FSTL5: variants seen among roughly 807,000 people sequenced by gnomAD.
The protein encoded by FSTL5 is follistatin like 5.
A neutral mutation model predicts 89.1 loss-of-function variants in FSTL5; 62 were observed. That is an observed-to-expected ratio of 0.70 (90% CI 0.57 to 0.86). The LOEUF (loss-of-function observed/expected upper bound fraction) is 0.86, where lower values mean the gene tolerates loss of function less well. FSTL5 is among the 40% of genes least tolerant of loss of function. FSTL5 has a pLI of 0.00. For missense variants in FSTL5, 1,057 were observed against 1,001.6 expected (o/e 1.06, Z -0.75); for synonymous variants, 383 against 346.2 (o/e 1.11, Z -1.18).
intron 7 of FSTL5, among the ~76,000 whole-genome samples, chr4:161,638,616 GA>G (rs1223428048): frequency 1.4e-5 from 2 of 145,550 alleles, no homozygotes; most frequent in Admixed American, 1.4e-4. Flanking sequence ...CCAATCAATA[GA>G]AAAAGAGGGA....
chr4:161,601,327 T>A (rs62328841), intron 7 of FSTL5, among the ~76,000 whole-genome samples: 3 of 48,742 alleles, frequency 6.2e-5, no homozygotes, highest in East Asian at 5.9e-4. Context: ...CTTAAATAGT[T>A]GGAAAAAAAA....
intron 4 of FSTL5, among the ~76,000 whole-genome samples, chr4:161,840,150 G>A (rs890773584): frequency 2.6e-5 from 4 of 152,196 alleles, no homozygotes; most frequent in East Asian, 1.9e-4. Flanking sequence ...AGTGAAGAGC[G>A]TCACCGTGTT....
intron 12 of FSTL5, among the ~76,000 whole-genome samples, chr4:161,497,883 G>A (rs1049548007): frequency 2.0e-5 from 3 of 151,408 alleles, no homozygotes; most frequent in African/African-American, 7.3e-5. Context: ...ATTCATATTT[G>A]GTTTCTATTT....
intron 4 of FSTL5, among the ~76,000 whole-genome samples, chr4:161,832,147 A>G (rs916329352): frequency 2.0e-5 from 3 of 152,110 alleles, no homozygotes; most frequent in Non-Finnish European, 4.4e-5. Flanking sequence ...GTATATTTAT[A>G]AGACTTAAGG....
intron 15 of FSTL5, among the ~76,000 whole-genome samples, chr4:161,400,268 C>A (rs2314105): frequency 0.063 from 9,541 of 151,962 alleles, 326 homozygotes; most frequent in Admixed American, 0.1. Context: ...ATATAAATTA[C>A]TTTTGTACTG....
intron 3 of FSTL5, among the ~76,000 whole-genome samples, chr4:162,014,982 C>T (rs1017454103): frequency 2.0e-5 from 3 of 152,106 alleles, no homozygotes; most frequent in African/African-American, 4.8e-5. Flanking sequence ...GAGATAGTGG[C>T]TTGAAGAACC....
chr4:162,141,106 C>CTTTT lies in FSTL5; in HGVS notation c.-17+22505_-17+22508dup, dbSNP rs3032092. On this transcript the variant is annotated intron_variant, in intron 1 of 15. Coordinates refer to ENST00000306100, the MANE Select transcript of FSTL5 (RefSeq NM_020116.5). ...AGTGTGGCACCTCCCTCCCTTCTCT[C>CTTTT]TTTTTTTTTTTTTTTTTTTTTTTTT... 6.8e-3 allele frequency among the ~76,000 whole-genome samples: 301 copies of CTTTT among 44,006 alleles called. 29 individuals are homozygous for CTTTT. The highest frequency in any genetic ancestry group is 0.021 in the African/African-American group (238 of 11,258). The allele number at this position is 44,006 out of a possible 152,430, so 28.9% of individuals were successfully genotyped here.
chr4:161,650,432 A>T (rs1489969062), intron 7 of FSTL5, among the ~76,000 whole-genome samples: 1 of 152,206 alleles, frequency 6.6e-6, no homozygotes, highest in Admixed American at 6.5e-5. Flanking sequence ...AAATATTTAT[A>T]GTATATCTGA....
chr4:161,712,557 T>C (rs1467282533), intron 6 of FSTL5, among the ~76,000 whole-genome samples: 1 of 152,186 alleles, frequency 6.6e-6, no homozygotes, highest in African/African-American at 2.4e-5. Flanking sequence ...TATATTGATA[T>C]TTAAACACTT....
chr4:161,852,219 G>A (rs529089723), intron 4 of FSTL5, among the ~76,000 whole-genome samples: 1 of 151,974 alleles, frequency 6.6e-6, no homozygotes, highest in African/African-American at 2.4e-5. Context: ...ATACATTTAA[G>A]TTCTGAAGGA....
At chr4:161,810,626 A>G (rs192174152) in intron 4 of FSTL5, among the ~76,000 whole-genome samples, 1 of 152,214 alleles carries the variant, frequency 6.6e-6, no homozygotes, top group East Asian at 1.9e-4. Flanking sequence ...CTTTAACTCA[A>G]CTCTGCTACC....
At chr4:161,753,430 C>A (rs547322654) in intron 6 of FSTL5, among the ~76,000 whole-genome samples, 1 of 152,236 alleles carries the variant, frequency 6.6e-6, no homozygotes, top group East Asian at 1.9e-4. Flanking sequence ...CAAGTTAATT[C>A]TGTTCATAAG....
At chr4:161,555,159 C>A (rs980386997) in intron 8 of FSTL5, among the ~76,000 whole-genome samples, 2 of 151,444 alleles carry the variant, frequency 1.3e-5, no homozygotes, top group African/African-American at 4.8e-5. Context: ...TTAATTGGGT[C>A]TTCCTATTTA....
chr4:161,583,947 C>T (rs1473147375), intron 8 of FSTL5, among the ~76,000 whole-genome samples: 1 of 152,144 alleles, frequency 6.6e-6, no homozygotes, highest in East Asian at 1.9e-4. Context: ...ACTGTAATCA[C>T]TCCCTTGTAA....
chr4:162,116,186 C>CAA (rs998353163), intron 1 of FSTL5, among the ~76,000 whole-genome samples: 13 of 152,146 alleles, frequency 8.5e-5, no homozygotes, highest in African/African-American at 3.1e-4. Context: ...AAGTTTATTG[C>CAA]AAAGCAGCAG....
chr4:161,483,612 A>G (rs1461912123), intron 12 of FSTL5, among the ~76,000 whole-genome samples: 2 of 152,166 alleles, frequency 1.3e-5, no homozygotes, highest in African/African-American at 4.8e-5. Context: ...GGTTTATGCT[A>G]TTATTTCTGA....
At chr4:162,000,229 A>G (rs1412601318) in intron 3 of FSTL5, among the ~76,000 whole-genome samples, 1 of 152,142 alleles carries the variant, frequency 6.6e-6, no homozygotes. Context: ...TTTTTATTAA[A>G]CCACTTACAG....
chr4:162,159,640 T>C (rs569754076), intron 1 of FSTL5, among the ~76,000 whole-genome samples: 1 of 152,126 alleles, frequency 6.6e-6, no homozygotes, highest in South Asian at 2.1e-4. Flanking sequence ...CGCAGGGATA[T>C]CCAGGCTGTG....
chr4:161,789,270 T>C (rs770310266), intron 4 of FSTL5, among the ~76,000 whole-genome samples: 4 of 152,136 alleles, frequency 2.6e-5, no homozygotes, highest in Non-Finnish European at 5.9e-5. Flanking sequence ...ATATACTGAT[T>C]CTTAGTATTT....
Sources: allele counts gnomAD v4.1 joint callset (sites outside exome capture counted in the v4.1 genomes callset), GRCh38; gene constraint gnomAD v4.1.1; transcripts MANE v1.5; gene names NCBI Gene and HGNC (gene_info 2026-07-23, HGNC 2026-07-21).